Variants in SCART1 observed in about 807,000 individuals in gnomAD.
The protein encoded by SCART1 is scavenger receptor cysteine-rich domain-containing protein SCART1.
In SCART1, 62 loss-of-function variants were observed where a neutral mutation model predicts 36.2. The ratio of observed to expected loss-of-function variants is 1.71; its 90% CI spans 1.40 to 2.12. The LOEUF (loss-of-function observed/expected upper bound fraction) is 2.12. Among genes scored for constraint, SCART1 ranks in the 30% most tolerant of loss-of-function variants. SCART1 has a pLI of 0.00. For synonymous variants in SCART1, 487 were observed against 238.7 expected (o/e 2.04, Z -9.59); for missense variants, 1,041 against 540.5 (o/e 1.93, Z -9.18).
At position 133,454,127 on chromosome 10, in the gene SCART1, G is replaced by T; in HGVS notation, c.67+63G>T. The T allele has an allele frequency of 5.7e-6, 4 of 701,760 alleles. 1 individual carries two copies. The highest frequency in any genetic ancestry group is 1.8e-5 in the African/African-American group (1 of 56,660). The allele number at this position is 701,760 out of a possible 1,614,324, so 43.5% of individuals were successfully genotyped here. A position where few individuals can be genotyped will look rare whatever the true frequency, so the allele number is the denominator to read the frequency against. ...AGGCATCAGCTCTGTTGATGCCCAG[G>T]CCCCGGGGCATGAGGGTCCCTGCAG... On this transcript the variant is annotated intron_variant, in intron 1 of 11. Transcript: ENST00000640237.
chr10:133,465,826 C>T (rs1440233398), intron 9 of SCART1: 2 of 695,798 alleles, frequency 2.9e-6, no homozygotes, highest in African/African-American at 1.8e-5. Context: ...TATGTGTCAC[C>T]TGGGTGTTGG....
chr10:133,457,614 T>C, intron 3 of SCART1, 39 bp downstream of exon 3: 1 of 643,086 alleles, frequency 1.6e-6, no homozygotes, highest in Non-Finnish European at 2.8e-6. Context: ...ACCCTTGGGA[T>C]GATGCTGGGC....
chr10:133,462,824 A>G (rs1228283074), intron 6 of SCART1, among the ~76,000 whole-genome samples: 1 of 152,202 alleles, frequency 6.6e-6, no homozygotes, highest in Non-Finnish European at 1.5e-5. Flanking sequence ...CTCAGACCCT[A>G]TTCCTTGACC....
At chr10:133,463,083 G>T (rs1269948589) in intron 6 of SCART1, among the ~76,000 whole-genome samples, 1 of 152,144 alleles carries the variant, frequency 6.6e-6, no homozygotes. Flanking sequence ...AGCTTTAAAG[G>T]ATTGTCTAAC....
Position 133,460,471 on chromosome 10 carries a change from C to CATATATATATATATATATAT in SCART1, c.1969+319_1969+320insATATATATATATATATATAT, listed in dbSNP as rs55751015. 1.8e-3 allele frequency among the ~76,000 whole-genome samples: 252 copies of CATATATATATATATATATAT among 136,408 alleles called. 1 individual carries two copies. The highest frequency in any genetic ancestry group is 6.8e-3 in the African/African-American group (240 of 35,444). 89.5% of individuals were successfully genotyped at this position (136,408 alleles called of 152,430 possible). A position where few individuals can be genotyped will look rare whatever the true frequency, so the allele number is the denominator to read the frequency against. On this transcript the variant is annotated intron_variant, in intron 6 of 11. Coordinates refer to ENST00000640237, the Ensembl canonical transcript of SCART1. Reference sequence around the variant, plus strand: ...GCGCTTGAAGTTTCCATCCGAAATTCATATATATATATATATATTTATATA... The same window carrying CATATATATATATATATATAT: ...GCGCTTGAAGTTTCCATCCGAAATTCATATATATATATATATATATATATATATATATATATATTTATATA...
chr10:133,459,670 G>A, exon 6 of SCART1: 1 of 697,160 alleles, frequency 1.4e-6, no homozygotes, highest in South Asian at 1.5e-5. Context: ...CCTGCCCCCA[G>A]CCGCGGATCC....
At chr10:133,465,943 C>T (rs1275554093) in intron 9 of SCART1, 1 of 671,322 alleles carries the variant, frequency 1.5e-6, no homozygotes, top group Non-Finnish European at 2.7e-6. Flanking sequence ...CCCTGAGCCA[C>T]TCCCATTCTC....
In SCART1 at chr10:133,454,069, G is replaced by A; in HGVS notation, c.67+5G>A. On this transcript the variant is annotated splice_donor_5th_base_variant and intron_variant, in intron 1 of 11. Coordinates refer to ENST00000640237, the Ensembl canonical transcript of SCART1. The stretch of plus-strand genomic sequence containing the variant: ...ATCTCTGGGCAGTCCCCATTGGTAA[G>A]TTTCTGCTTCCTTCATCCATGGAAC... 2.8e-6 allele frequency: 2 copies of A among 702,878 alleles called. No homozygotes were observed. Among genetic ancestry groups the A allele is most frequent in the Non-Finnish European group, 5.2e-6 (2 of 384,986 alleles). 43.5% of individuals were successfully genotyped at this position (702,878 alleles called of 1,614,324 possible).
In SCART1 at chr10:133,456,555, G is replaced by GT. The variant is rs1564833410; in HGVS notation, c.385+2dup. 1.5e-6 allele frequency: 1 copy of GT among 656,434 alleles called. No homozygotes were observed. Among genetic ancestry groups the GT allele is most frequent in the South Asian group, 1.7e-5 (1 of 59,196 alleles). The allele number at this position is 656,434 out of a possible 1,614,324, so 40.7% of individuals were successfully genotyped here. A position where few individuals can be genotyped will look rare whatever the true frequency, so the allele number is the denominator to read the frequency against. On this transcript the variant is annotated splice_donor_variant, in intron 2 of 11. Transcript: ENST00000640237. LOFTEE classifies it high-confidence loss of function. Reference sequence around the variant, plus strand: ...TGGGTGGTGGTCGCGCTGTGCTCCAGTAAGTAGGGAGGAGTGAAGGGGACG... The same window carrying GT: ...TGGGTGGTGGTCGCGCTGTGCTCCAGTTAAGTAGGGAGGAGTGAAGGGGACG...
At chr10:133,467,486 C>T in intron 11 of SCART1, 133 bp downstream of exon 11, 4 of 597,168 alleles carry the variant, frequency 6.7e-6, no homozygotes, top group Non-Finnish European at 1.2e-5. Context: ...CTCATGGATG[C>T]AAAGGGACTC....
chr10:133,464,764 G>T (rs763473832), exon 7 of SCART1: 35 of 701,914 alleles, frequency 5.0e-5, no homozygotes, highest in Non-Finnish European at 8.6e-5. Context: ...GTGGGGAGTG[G>T]GGCTGGCTGG....
chr10:133,462,893 G>A (rs985367884), intron 6 of SCART1, among the ~76,000 whole-genome samples: 5 of 152,186 alleles, frequency 3.3e-5, no homozygotes, highest in African/African-American at 1.2e-4. Flanking sequence ...AGAGGGTGTG[G>A]AAACAGGCAG....
rs1258312533 is a variant in SCART1, at chr10:133,455,678, TCA to T, written c.68-558_68-557del. 4.0e-5 allele frequency among the ~76,000 whole-genome samples: 6 copies of T among 151,896 alleles called. No individual in the cohort carries two copies. In the East Asian group the frequency reaches 5.8e-4, roughly 15 times the overall value. ...GAAGGTGCTGGAGTAGCTGAGATGC[TCA>T]GAGACCGGAGGGTGAGATCCTGCCT... is the stretch of plus-strand genomic sequence containing the variant. On this transcript the variant is annotated intron_variant, in intron 1 of 11. Coordinates refer to ENST00000640237, the Ensembl canonical transcript of SCART1.
At chr10:133,464,534 G>A in intron 6 of SCART1, 72 bp from the exon 7 acceptor site, 8 of 607,444 alleles carry the variant, frequency 1.3e-5, no homozygotes, top group Non-Finnish European at 2.9e-6. Flanking sequence ...CTTGAGCTTA[G>A]CCCCCTCCTT....
At chr10:133,469,385 C>G (rs1453033435), downstream of SCART1, among the ~76,000 whole-genome samples, 1 of 152,140 alleles carries the variant, frequency 6.6e-6, no homozygotes, top group Admixed American at 6.5e-5. Flanking sequence ...AAATGTGGCA[C>G]ATATACACCA....
intron 6 of SCART1, among the ~76,000 whole-genome samples, chr10:133,463,723 A>G (rs747515543): frequency 6.6e-6 from 1 of 151,964 alleles, no homozygotes; most frequent in East Asian, 1.9e-4. Context: ...GTACATCTCT[A>G]TGGGGTTCAT....
chr10:133,465,996 G>C, intron 9 of SCART1: 2 of 672,334 alleles, frequency 3.0e-6, no homozygotes, highest in South Asian at 3.1e-5. Flanking sequence ...GCATCTGCCT[G>C]GGGGCCATGT....
At chr10:133,457,641 C>T in intron 3 of SCART1, 66 bp downstream of exon 3, 1 of 606,036 alleles carries the variant, frequency 1.7e-6, no homozygotes, top group Non-Finnish European at 2.9e-6. Flanking sequence ...CTGGGGAGGG[C>T]AGGGAGAAGG....
chr10:133,469,124 T>C (rs1850791767), exon 12 of SCART1: 1 of 152,238 alleles, frequency 6.6e-6, no homozygotes, highest in Non-Finnish European at 1.5e-5. Flanking sequence ...ATTTCTCTAA[T>C]GACCAGTGAT....
Sources: allele counts gnomAD v4.1 joint callset (sites outside exome capture counted in the v4.1 genomes callset), GRCh38; gene constraint gnomAD v4.1.1; transcripts MANE v1.5; gene names NCBI Gene and HGNC (gene_info 2026-07-23, HGNC 2026-07-21).